Variants in CTNNA3 observed in about 807,000 individuals in gnomAD.
CTNNA3 encodes catenin alpha 3, also known as catenin alpha-3.
Under a neutral mutation model 95.7 loss-of-function variants are expected in CTNNA3, and 76 were observed. The ratio of observed to expected loss-of-function variants is 0.79; its 90% CI spans 0.66 to 0.96. CTNNA3 has a LOEUF of 0.96. Ranked by LOEUF, CTNNA3 falls within the 40% of genes least tolerant of loss-of-function variation. CTNNA3 has a pLI of 0.00. For missense variants in CTNNA3, 1,191 were observed against 1,089.8 expected (o/e 1.09, Z -1.31); for synonymous variants, 431 against 374.4 (o/e 1.15, Z -1.74).
chr10:66,359,985 C>T (rs1589136534), intron 12 of CTNNA3, among the ~76,000 whole-genome samples: 1 of 152,056 alleles, frequency 6.6e-6, no homozygotes, highest in African/African-American at 2.4e-5. Flanking sequence ...TGCCACCACA[C>T]CTGGCTAATT....
intron 7 of CTNNA3, among the ~76,000 whole-genome samples, chr10:67,127,287 T>G (rs569273640): frequency 2.0e-4 from 30 of 152,306 alleles, no homozygotes; most frequent in Admixed American, 2.0e-3. Flanking sequence ...ATTGACTTAT[T>G]ATACACTTCA....
chr10:66,069,169 C>T, intron 15 of CTNNA3, 139 bp downstream of exon 15: 1 of 748,520 alleles, frequency 1.3e-6, no homozygotes, highest in Non-Finnish European at 2.2e-6. Context: ...TGTACACCTA[C>T]AACTTTCTAA....
chr10:67,702,585 A>G (rs1484231649), intron 1 of CTNNA3, among the ~76,000 whole-genome samples: 4 of 152,268 alleles, frequency 2.6e-5, no homozygotes, highest in African/African-American at 9.6e-5. Context: ...CAGTGAGAAC[A>G]AAGACACAAC....
In CTNNA3 at chr10:67,180,515, T is replaced by A; in HGVS notation, c.849A>T (p.Leu283Phe). 1 of 1,611,934 alleles carries A rather than the reference T, an allele frequency of 6.2e-7. No homozygotes were observed. Among genetic ancestry groups the A allele is most frequent in the South Asian group, 1.1e-5 (1 of 91,060 alleles). Residue 283 changes from leucine to phenylalanine, a missense_variant, in exon 7 of 18, where the codon TTA becomes TTT. By Grantham distance (22) the Leu-to-Phe change is conservative (BLOSUM62 0). Coordinates refer to ENST00000433211, the MANE Select transcript of CTNNA3 (RefSeq NM_013266.4). ...TTACTGTGAGTGGATTCAGGACAATTAAATTCTAAGAGAAGAACACATTTG... is the reference window on the plus strand; with the variant it reads ...TTACTGTGAGTGGATTCAGGACAATAAAATTCTAAGAGAAGAACACATTTG... ...LGSALDELEN[L>F]IVLNPLTVTE...
chr10:66,675,325 T>A (rs558613721), intron 9 of CTNNA3, among the ~76,000 whole-genome samples: 5 of 152,042 alleles, frequency 3.3e-5, no homozygotes, highest in Non-Finnish European at 7.4e-5. Flanking sequence ...ACATACCTTT[T>A]TGCTCATTTT....
rs183052004 is a variant in CTNNA3, at chr10:67,516,668, C to T, written c.579+5174G>A. 2.7e-4 allele frequency among the ~76,000 whole-genome samples: 41 copies of T among 152,242 alleles called. No homozygotes were observed. The South Asian group carries it at 5.0e-3, about 18-fold the overall frequency. On this transcript the variant is annotated intron_variant, in intron 5 of 17. Coordinates refer to ENST00000433211, the MANE Select transcript of CTNNA3 (RefSeq NM_013266.4). ...AATGACTACCACCATTAAATTAACA[C>T]GTCTATCATCACTCGTGCTGTTTAT... is the stretch of plus-strand genomic sequence containing the variant.
intron 9 of CTNNA3, among the ~76,000 whole-genome samples, chr10:66,721,740 G>A (rs563393015): frequency 1.8e-3 from 269 of 152,260 alleles, no homozygotes; most frequent in Admixed American, 4.6e-3. Flanking sequence ...GCTCTTCATC[G>A]CTACTGTTAA....
chr10:67,149,713 G>A (rs1861009443), intron 7 of CTNNA3, among the ~76,000 whole-genome samples: 1 of 152,272 alleles, frequency 6.6e-6, no homozygotes, highest in East Asian at 1.9e-4. Context: ...CTAGAGTCTA[G>A]AAGTTCTCTG....
intron 15 of CTNNA3, among the ~76,000 whole-genome samples, chr10:66,060,942 T>C (rs978435167): frequency 2.0e-5 from 3 of 152,094 alleles, no homozygotes; most frequent in African/African-American, 7.2e-5. Flanking sequence ...ATTTGAAAGA[T>C]GTTTTTCTGG....
intron 7 of CTNNA3, among the ~76,000 whole-genome samples, chr10:66,879,620 G>T (rs1378045101): frequency 6.6e-6 from 1 of 152,036 alleles, no homozygotes; most frequent in Non-Finnish European, 1.5e-5. Context: ...TACCCATGAA[G>T]AGTTAAGTAA....
chr10:66,013,271 A>G (rs993967186), intron 15 of CTNNA3, among the ~76,000 whole-genome samples: 14 of 152,248 alleles, frequency 9.2e-5, no homozygotes, highest in Admixed American at 2.6e-4. Context: ...GAAAGAGAGT[A>G]TATTAATTTA....
chr10:66,078,671 T>C (rs1359726382), intron 14 of CTNNA3, among the ~76,000 whole-genome samples: 1 of 151,968 alleles, frequency 6.6e-6, no homozygotes, highest in Non-Finnish European at 1.5e-5. Flanking sequence ...TTTTTAAATA[T>C]AAATATTGCA....
chr10:67,626,644 T>C (rs1177739981), intron 2 of CTNNA3, among the ~76,000 whole-genome samples: 1 of 152,168 alleles, frequency 6.6e-6, no homozygotes, highest in Admixed American at 6.5e-5. Context: ...GGGTTCTCTG[T>C]TTTCCTCATG....
At chr10:67,378,443 T>C (rs1180712916) in intron 5 of CTNNA3, among the ~76,000 whole-genome samples, 2 of 152,118 alleles carry the variant, frequency 1.3e-5, no homozygotes, top group African/African-American at 4.8e-5. Context: ...TGCCAGACTT[T>C]ATTAGAGTTC....
chr10:67,058,891 C>T (rs552530748), intron 7 of CTNNA3, among the ~76,000 whole-genome samples: 31 of 152,258 alleles, frequency 2.0e-4, no homozygotes, highest in African/African-American at 7.5e-4. Flanking sequence ...AGTATGACTA[C>T]ACCTGCCTAT....
chr10:67,191,378 T>C (rs1297537811), intron 6 of CTNNA3, among the ~76,000 whole-genome samples: 1 of 151,932 alleles, frequency 6.6e-6, no homozygotes, highest in Non-Finnish European at 1.5e-5. Flanking sequence ...AAAAACCTAT[T>C]ATAACTAGTA....
chr10:66,475,120 T>C (rs886205112), intron 11 of CTNNA3, among the ~76,000 whole-genome samples: 1 of 152,018 alleles, frequency 6.6e-6, no homozygotes, highest in African/African-American at 2.4e-5. Flanking sequence ...TTTTGTTGTC[T>C]GTGCTTTTGA....
rs1160527960 is a variant in CTNNA3 at position 66,451,429 on chromosome 10, G to C, written c.1531+69188C>G. ...AATATAACACCAGAGAGAAATAAGAGAGACCTGTTTTAGAAGGCAAGAAAA... is the reference window on the plus strand; with the variant it reads ...AATATAACACCAGAGAGAAATAAGACAGACCTGTTTTAGAAGGCAAGAAAA... On this transcript the variant is annotated intron_variant, in intron 11 of 17. Transcript: ENST00000433211. 7.2e-5 allele frequency among the ~76,000 whole-genome samples: 11 copies of C among 152,034 alleles called. No homozygotes were observed. In the South Asian group the frequency reaches 1.7e-3, roughly 23 times the overall value.
chr10:67,233,776 A>T (rs1186374561), intron 5 of CTNNA3, among the ~76,000 whole-genome samples: 2 of 151,808 alleles, frequency 1.3e-5, no homozygotes, highest in African/African-American at 4.8e-5. Flanking sequence ...AAGACTAATA[A>T]AGAAAAAAAG....
Sources: allele counts gnomAD v4.1 joint callset (sites outside exome capture counted in the v4.1 genomes callset), GRCh38; gene constraint gnomAD v4.1.1; transcripts MANE v1.5; gene names NCBI Gene and HGNC (gene_info 2026-07-23, HGNC 2026-07-21).